The following THRB variants were observed in gnomAD, a reference collection of about 807,000 sequenced individuals.
THRB encodes the protein nuclear receptor subfamily 1 group A member 2.
THRB carries 12 observed loss-of-function variants against 47.8 expected under a neutral mutation model. The observed-to-expected ratio is 0.25, with a 90% CI of 0.16 to 0.41. THRB has a LOEUF of 0.41. Ranked by LOEUF, THRB falls within the 10% of genes least tolerant of loss-of-function variation. The pLI, the probability that THRB is intolerant of heterozygous loss-of-function variation, is 1.00. For synonymous variants in THRB, 218 were observed against 212.2 expected, an observed-to-expected ratio of 1.03 and a Z score of -0.24; for missense variants, 348 against 589.2, an observed-to-expected ratio of 0.59 and a Z score of 4.24.
chr3:24,334,363 T>A (rs1013869854), intron 2 of THRB, among the ~76,000 whole-genome samples: 1 of 152,118 alleles, frequency 6.6e-6, no homozygotes, highest in Non-Finnish European at 1.5e-5. Context: ...TAAAAAGCAG[T>A]CAGATGAGTA....
chr3:24,364,643 T>C (rs1010207933), intron 1 of THRB, among the ~76,000 whole-genome samples: 23 of 152,132 alleles, frequency 1.5e-4, no homozygotes, highest in Non-Finnish European at 3.2e-4. Flanking sequence ...TGCTTCATCA[T>C]CCATGTACAA....
At chr3:24,207,388 C>CA (rs1559601061) in intron 4 of THRB, among the ~76,000 whole-genome samples, 1 of 152,140 alleles carries the variant, frequency 6.6e-6, no homozygotes, top group Non-Finnish European at 1.5e-5. Context: ...GAACCAATGA[C>CA]AAAAACCACA....
At chr3:24,130,354 G>A (rs1275895384) in intron 9 of THRB, among the ~76,000 whole-genome samples, 2 of 152,296 alleles carry the variant, frequency 1.3e-5, no homozygotes, top group Middle Eastern at 6.8e-3. Flanking sequence ...GTTTGCTCCT[G>A]GTGGCGGAGA....
intron 1 of THRB, among the ~76,000 whole-genome samples, chr3:24,393,969 A>G (rs2066766894): frequency 6.6e-6 from 1 of 152,112 alleles, no homozygotes; most frequent in Non-Finnish European, 1.5e-5. Flanking sequence ...AAATATATTG[A>G]GCTCCCAACT....
chr3:24,436,331 T>C (rs35317485), intron 1 of THRB, among the ~76,000 whole-genome samples: 91,532 of 151,890 alleles, frequency 0.6, 28,665 homozygotes, highest in South Asian at 0.75. Context: ...TACACCACTC[T>C]ACATTCCTCA....
chr3:24,224,306 A>T (rs1389352130), intron 4 of THRB, among the ~76,000 whole-genome samples: 1 of 152,218 alleles, frequency 6.6e-6, no homozygotes, highest in Non-Finnish European at 1.5e-5. Flanking sequence ...TAGCCTAATA[A>T]TCAGGGACTA....
At chr3:24,410,446 A>C (rs2068195040) in intron 1 of THRB, among the ~76,000 whole-genome samples, 1 of 151,886 alleles carries the variant, frequency 6.6e-6, no homozygotes, top group Non-Finnish European at 1.5e-5. Context: ...CGTATTTCCA[A>C]GGTGGCTACA....
intron 3 of THRB, among the ~76,000 whole-genome samples, chr3:24,290,264 G>C (rs1343779596): frequency 6.6e-6 from 1 of 152,118 alleles, no homozygotes; most frequent in Non-Finnish European, 1.5e-5. Context: ...AAGTTTACTG[G>C]GTTACTTTAA....
At chr3:24,248,502 T>C (rs1486493371) in intron 3 of THRB, among the ~76,000 whole-genome samples, 1 of 152,202 alleles carries the variant, frequency 6.6e-6, no homozygotes, top group African/African-American at 2.4e-5. Flanking sequence ...TTGTTACCTG[T>C]TGCCCCTCAG....
chr3:24,381,700 T>C (rs1425428856), intron 1 of THRB, among the ~76,000 whole-genome samples: 3 of 152,056 alleles, frequency 2.0e-5, no homozygotes, highest in East Asian at 1.9e-4. Flanking sequence ...GAACAAAGAA[T>C]AGAACCCAAA....
intron 3 of THRB, among the ~76,000 whole-genome samples, chr3:24,281,840 G>A (rs2054647115): frequency 6.6e-6 from 1 of 151,280 alleles, no homozygotes; most frequent in African/African-American, 2.4e-5. Context: ...GACAAAGAAG[G>A]CCATTATTTA....
chr3:24,209,731 G>A (rs945933872), intron 4 of THRB, among the ~76,000 whole-genome samples: 11 of 152,078 alleles, frequency 7.2e-5, no homozygotes, highest in African/African-American at 1.9e-4. Context: ...TGTAAATGAC[G>A]TGTTAATGGG....
chr3:24,141,384 C>T (rs11710330), intron 8 of THRB, among the ~76,000 whole-genome samples: 26,249 of 152,200 alleles, frequency 0.17, 2,442 homozygotes, highest in African/African-American at 0.22. Flanking sequence ...CATAGCACAA[C>T]GTCATCTCCT....
chr3:24,337,934 A>G lies in THRB; in HGVS notation c.-260-563T>C, dbSNP rs562907059. Among the ~76,000 whole-genome samples the G allele has an allele frequency of 5.3e-5, 8 of 152,308 alleles. No homozygotes were observed. The East Asian group carries it at 1.5e-3, about 29-fold the overall frequency. ...TGCTAAATGCAATCATATGGTGAACACTTCTCCCAGGTACAAACAAGATGA... is the reference window on the plus strand; with the variant it reads ...TGCTAAATGCAATCATATGGTGAACGCTTCTCCCAGGTACAAACAAGATGA... On this transcript the variant is annotated intron_variant, in intron 1 of 10. Coordinates refer to ENST00000646209, the MANE Select transcript of THRB (RefSeq NM_001354712.2).
At chr3:24,165,176 G>C in intron 5 of THRB, 1 of 765,104 alleles carries the variant, frequency 1.3e-6, no homozygotes, top group Non-Finnish European at 2.4e-6. Flanking sequence ...ACAGGTATAA[G>C]GCTGATTCAC....
intron 2 of THRB, among the ~76,000 whole-genome samples, chr3:24,320,734 T>A (rs1038195676): frequency 5.9e-5 from 9 of 152,098 alleles, no homozygotes; most frequent in African/African-American, 2.2e-4. Flanking sequence ...AGGACTTTGC[T>A]CAAAGGTCCA....
intron 2 of THRB, among the ~76,000 whole-genome samples, chr3:24,322,110 A>G (rs1472661646): frequency 6.6e-6 from 1 of 152,188 alleles, no homozygotes; most frequent in Non-Finnish European, 1.5e-5. Context: ...AGAAATTAGA[A>G]TTATGAATAT....
intron 1 of THRB, among the ~76,000 whole-genome samples, chr3:24,368,028 A>G (rs1365674003): frequency 6.6e-6 from 1 of 152,170 alleles, no homozygotes; most frequent in Non-Finnish European, 1.5e-5. Flanking sequence ...GAGTTGGTCT[A>G]TGGGTCATAG....
chr3:24,457,220 G>A (rs1362117277), intron 1 of THRB, among the ~76,000 whole-genome samples: 2 of 152,136 alleles, frequency 1.3e-5, no homozygotes, highest in Non-Finnish European at 2.9e-5. Flanking sequence ...ACAATACTGA[G>A]GGGTAGCTGT....
Sources: allele counts gnomAD v4.1 joint callset (sites outside exome capture counted in the v4.1 genomes callset), GRCh38; gene constraint gnomAD v4.1.1; transcripts MANE v1.5; gene names NCBI Gene and HGNC (gene_info 2026-07-23, HGNC 2026-07-21).